Variants in CNOT6 observed in about 807,000 individuals in gnomAD.
CNOT6 encodes the protein carbon catabolite repression 4 protein.
In CNOT6, 12 loss-of-function variants were observed where a neutral mutation model predicts 61.2. The observed-to-expected ratio is 0.20, with a 90% confidence interval of 0.13 to 0.32. CNOT6 has a LOEUF of 0.32. Ranked by LOEUF, CNOT6 falls within the 10% of genes least tolerant of loss-of-function variation. The pLI is 1.00. For missense variants in CNOT6, 405 were observed against 663.9 expected (o/e 0.61, Z 4.28); for synonymous variants, 225 against 240.6 (o/e 0.94, Z 0.60).
At chr5:180,552,373 C>T (rs1759650537) in intron 3 of CNOT6, among the ~76,000 whole-genome samples, 1 of 150,810 alleles carries the variant, frequency 6.6e-6, no homozygotes, top group Non-Finnish European at 1.5e-5. Flanking sequence ...GGCACGATGG[C>T]TCAAGCCTAT....
intron 1 of CNOT6, among the ~76,000 whole-genome samples, chr5:180,518,884 A>G (rs1424993951): frequency 6.6e-6 from 1 of 151,848 alleles, no homozygotes; most frequent in Non-Finnish European, 1.5e-5. Flanking sequence ...GTTGTTTAAA[A>G]CATTTTCTTG....
chr5:180,547,531 A>C (rs1045676269), intron 2 of CNOT6, among the ~76,000 whole-genome samples: 12 of 152,176 alleles, frequency 7.9e-5, no homozygotes, highest in African/African-American at 2.9e-4. Flanking sequence ...AAAAAGAGAA[A>C]AGAAAAGAAA....
intron 1 of CNOT6, among the ~76,000 whole-genome samples, chr5:180,496,153 T>G (rs1220579805): frequency 6.6e-6 from 1 of 152,242 alleles, no homozygotes; most frequent in Admixed American, 6.5e-5. Flanking sequence ...TCTTCCTTCC[T>G]TGGCCTCCCA....
chr5:180,494,983 C>A (rs1366025081), intron 1 of CNOT6, among the ~76,000 whole-genome samples: 1 of 148,754 alleles, frequency 6.7e-6, no homozygotes, highest in African/African-American at 2.5e-5. Flanking sequence ...GGGAGGGGGG[C>A]GTTGATTGAC....
At chr5:180,504,569 ATAAATATTAAGGTGC>A (rs1184675099) in intron 1 of CNOT6, among the ~76,000 whole-genome samples, 1 of 152,230 alleles carries the variant, frequency 6.6e-6, no homozygotes, top group African/African-American at 2.4e-5. Flanking sequence ...TCATGTTGGC[ATAAATATTAAGGTGC>A]TGAAGTGATA....
Position 180,574,383 on chromosome 5 carries a change from C to T in CNOT6, c.*183C>T. 1 of 612,010 alleles carries T rather than the reference C, an allele frequency of 1.6e-6. No individual in the cohort carries two copies. Among genetic ancestry groups the T allele is most frequent in the Non-Finnish European group, 2.9e-6 (1 of 344,558 alleles). The allele number at this position is 612,010 out of a possible 1,614,324, so 37.9% of individuals were successfully genotyped here. Reference sequence around the variant, plus strand: ...GCTAGCAACAGACAAATTCTGAGCCCAATATGCTTTATACTGCTAGACAGG... The same window carrying T: ...GCTAGCAACAGACAAATTCTGAGCCTAATATGCTTTATACTGCTAGACAGG... On this transcript the variant is annotated 3_prime_UTR_variant, in exon 12 of 12. Transcript: ENST00000261951.
chr5:180,522,926 C>G (rs1296581753), intron 1 of CNOT6, among the ~76,000 whole-genome samples: 1 of 152,212 alleles, frequency 6.6e-6, no homozygotes, highest in Non-Finnish European at 1.5e-5. Flanking sequence ...GTGAGCCGTT[C>G]TAACAAATTA....
At chr5:180,557,152 GA>G (rs1256092836) in intron 4 of CNOT6, among the ~76,000 whole-genome samples, 1 of 152,162 alleles carries the variant, frequency 6.6e-6, no homozygotes, top group Non-Finnish European at 1.5e-5. Context: ...CCTGCTGAAG[GA>G]AATCTGGGTG....
chr5:180,570,231 G>T (rs1353681236), intron 10 of CNOT6, among the ~76,000 whole-genome samples: 1 of 152,224 alleles, frequency 6.6e-6, no homozygotes, highest in Non-Finnish European at 1.5e-5. Context: ...GGTGGTGCAC[G>T]CCTGTAATCC....
At chr5:180,563,386 TTTTG>T (rs757273907) in intron 4 of CNOT6, among the ~76,000 whole-genome samples, 16 of 42,854 alleles carry the variant, frequency 3.7e-4, no homozygotes, top group Non-Finnish European at 7.0e-4. Context: ...GGCTGTTTTT[TTTTG>T]TTTGTTTTTG....
At chr5:180,536,540 TC>T (rs1758710247) in intron 2 of CNOT6, among the ~76,000 whole-genome samples, 1 of 152,048 alleles carries the variant, frequency 6.6e-6, no homozygotes, top group African/African-American at 2.4e-5. Context: ...ACTCCTGAGC[TC>T]TAGTGATCCT....
chr5:180,510,627 G>C (rs1200699661), intron 1 of CNOT6, among the ~76,000 whole-genome samples: 1 of 152,138 alleles, frequency 6.6e-6, no homozygotes, highest in East Asian at 1.9e-4. Flanking sequence ...TCCAGAGTAT[G>C]TGTATTTAAA....
intron 3 of CNOT6, among the ~76,000 whole-genome samples, chr5:180,552,270 G>A (rs1280369836): frequency 6.6e-6 from 1 of 152,006 alleles, no homozygotes; most frequent in Non-Finnish European, 1.5e-5. Flanking sequence ...CAGACCTTCT[G>A]GCTTGCTCAG....
chr5:180,560,878 T>A (rs1249552330), intron 4 of CNOT6, among the ~76,000 whole-genome samples: 1 of 152,226 alleles, frequency 6.6e-6, no homozygotes, highest in Non-Finnish European at 1.5e-5. Flanking sequence ...TCTTTTGTTA[T>A]AGTCCCACAA....
intron 10 of CNOT6, among the ~76,000 whole-genome samples, chr5:180,570,331 C>T (rs943857603): frequency 6.6e-5 from 10 of 152,054 alleles, no homozygotes; most frequent in African/African-American, 2.4e-4. Flanking sequence ...GCACTTCAGC[C>T]TGGGTGACAG....
chr5:180,507,988 C>G (rs1757205395), intron 1 of CNOT6, among the ~76,000 whole-genome samples: 1 of 152,142 alleles, frequency 6.6e-6, no homozygotes, highest in South Asian at 2.1e-4. Context: ...GGCCCCACCT[C>G]CAGCACTGGG....
At position 180,494,523 on chromosome 5, in the gene CNOT6, C is replaced by T. The variant is rs1454407049; in HGVS notation, c.-243C>T. 3.3e-5 allele frequency: 5 copies of T among 152,380 alleles called. No homozygotes were observed. The highest frequency in any genetic ancestry group is 1.3e-4 in the Admixed American group (2 of 15,096). 9.4% of individuals were successfully genotyped at this position (152,380 alleles called of 1,614,324 possible). A position where few individuals can be genotyped will look rare whatever the true frequency, so the allele number is the denominator to read the frequency against. On this transcript the variant is annotated 5_prime_UTR_variant, in exon 1 of 12. Transcript: ENST00000261951. ...GCGGGCGCAGCGAGGAGGGCGAGGC[C>T]GGGGGCCGAGAGGGCGGGAGGGCGT...
At chr5:180,513,447 A>G (rs1002217903) in intron 1 of CNOT6, among the ~76,000 whole-genome samples, 3 of 151,140 alleles carry the variant, frequency 2.0e-5, no homozygotes, top group Non-Finnish European at 3.0e-5. Flanking sequence ...ACTCATTGCA[A>G]CCTCCGCCTC....
intron 1 of CNOT6, among the ~76,000 whole-genome samples, chr5:180,516,284 G>T (rs1425791783): frequency 6.8e-6 from 1 of 147,962 alleles, no homozygotes; most frequent in Non-Finnish European, 1.5e-5. Flanking sequence ...AGGTTCAATC[G>T]ATTCTCCTGC....
Sources: gnomAD v4.1 joint callset for allele counts (sites outside exome capture counted in the v4.1 genomes callset) on GRCh38, gnomAD v4.1.1 for gene constraint, MANE v1.5 for transcripts, NCBI Gene and HGNC (gene_info 2026-07-23, HGNC 2026-07-21) for gene names.